Variants in RBCK1 observed in about 807,000 individuals in gnomAD.
RBCK1 encodes the protein RANBP2-type and C3HC4-type zinc finger containing 1.
In RBCK1, 44 loss-of-function variants were observed where a neutral mutation model predicts 71.1. The observed-to-expected ratio is 0.62, with a 90% confidence interval of 0.49 to 0.80. The LOEUF (loss-of-function observed/expected upper bound fraction) is 0.80. RBCK1 is among the 30% of genes least tolerant of loss of function. The pLI is 0.00. For missense variants in RBCK1, 569 were observed against 685.0 expected (o/e 0.83, Z 1.89); for synonymous variants, 306 against 279.7 (o/e 1.09, Z -0.94).
At position 422,106 on chromosome 20, in the gene RBCK1, T is replaced by C. The variant is rs1185451339; in HGVS notation, c.918-21T>C. ...AAGGGGGTTCCTATGATCCTAACTC[T>C]TTTCCCCTCCCCTCCCCTAGGGAGT... On this transcript the variant is annotated intron_variant, in intron 7 of 11. Transcript: ENST00000356286. The surrounding 1 kb of genome is among the most constrained non-coding windows in gnomAD (Gnocchi z 5.0). 2 of 1,596,094 alleles carry C rather than the reference T, an allele frequency of 1.3e-6. No homozygotes were observed.
At position 417,431 on chromosome 20, in the gene RBCK1, A is replaced by G; in HGVS notation, c.168-95A>G. 9.9e-7 allele frequency: 1 copy of G among 1,009,820 alleles called. No individual in the cohort carries two copies. The highest frequency in any genetic ancestry group is 1.6e-6 in the Non-Finnish European group (1 of 636,146). 62.6% of individuals were successfully genotyped at this position (1,009,820 alleles called of 1,614,324 possible). On this transcript the variant is annotated intron_variant, in intron 2 of 11. Transcript: ENST00000356286. This position sits in a 1 kb window ranked among gnomAD's most constrained non-coding sequence, Gnocchi z 4.7. ...TGTGTGTGTGTGTGTGTGCATGGCC[A>G]TGTGCCTGTGTGCAAATATGTACAT... is the stretch of plus-strand genomic sequence containing the variant.
At position 417,555 on chromosome 20, in the gene RBCK1, T is replaced by C. The variant is rs750138837; in HGVS notation, c.197T>C (p.Met66Thr). The change falls in exon 3 of 12, where the codon ATG (methionine) becomes ACG (threonine). Residue 66 changes from methionine to threonine, a missense_variant. Coordinates refer to ENST00000356286, the MANE Select transcript of RBCK1 (RefSeq NM_031229.4). The surrounding 1 kb of genome is among the most constrained non-coding windows in gnomAD (Gnocchi z 4.7). The stretch of plus-strand genomic sequence containing the variant: ...TGGGTGAGCGTGGAGGATGCTCAGA[T>C]GCACACCGTCACCATCTGGCTCACA... The part of the protein sequence containing the change: ...RLWVSVEDAQ[M>T]HTVTIWLTVR... 1.9e-6 allele frequency: 3 copies of C among 1,613,916 alleles called. No homozygotes were observed. The highest frequency in any genetic ancestry group is 2.5e-6 in the Non-Finnish European group (3 of 1,180,022).
Position 430,410 on chromosome 20 carries a change from A to G in RBCK1, c.1513A>G (p.Ser505Gly). Residue 505 changes from serine to glycine, a missense_variant, in exon 12 of 12, where the codon AGC becomes GGC. Ser to Gly is a moderately conservative substitution (Grantham distance 56). Around this residue, in one of 2 missense-constraint regions of RBCK1, gnomAD observed 211 missense variants for 309.4 expected, o/e 0.68. Coordinates refer to ENST00000356286, the MANE Select transcript of RBCK1 (RefSeq NM_031229.4). The surrounding 1 kb of genome is among the most constrained non-coding windows in gnomAD (Gnocchi z 5.6). ...CRVNGIPCHP[S>G]CQNCH ...GGTAAATGGGATTCCTTGCCACCCAAGCTGTCAGAACTGCCACTGAGCTAA... is the reference window on the plus strand; with the variant it reads ...GGTAAATGGGATTCCTTGCCACCCAGGCTGTCAGAACTGCCACTGAGCTAA... 6.2e-7 allele frequency: 1 copy of G among 1,613,138 alleles called. No homozygotes were observed. The highest frequency in any genetic ancestry group is 8.5e-7 in the Non-Finnish European group (1 of 1,179,068).
intron 6 of RBCK1, chr20:420,325 T>C (rs1350074624): frequency 1.0e-6 from 1 of 982,118 alleles, no homozygotes; most frequent in African/African-American, 1.8e-5. Flanking sequence ...GACACAGACA[T>C]TGATCCCCGA....
intron 4 of RBCK1, among the ~76,000 whole-genome samples, chr20:418,572 G>T (rs952609334): frequency 2.1e-4 from 32 of 152,216 alleles, no homozygotes; most frequent in African/African-American, 5.3e-4. Context: ...GTTTCACCGT[G>T]TTAGCCAGGA....
At chr20:426,952 A>G (rs567784507) in intron 8 of RBCK1, among the ~76,000 whole-genome samples, 234 of 150,010 alleles carry the variant, frequency 1.6e-3, no homozygotes, top group Non-Finnish European at 2.8e-3. Context: ...CAGCCTCCCA[A>G]GCAGCTGGGA....
chr20:412,481 G>T (rs2015767139), intron 2 of RBCK1, among the ~76,000 whole-genome samples: 1 of 152,034 alleles, frequency 6.6e-6, no homozygotes, highest in Admixed American at 6.6e-5. Context: ...CACTACACTG[G>T]CTAATTTTTG....
intron 2 of RBCK1, among the ~76,000 whole-genome samples, chr20:416,023 A>G (rs1194054712): frequency 6.6e-6 from 1 of 152,224 alleles, no homozygotes; most frequent in Non-Finnish European, 1.5e-5. Context: ...CTCACCTTCA[A>G]CACTGAGGAT....
In RBCK1 at chr20:429,070, C is replaced by T. The variant is rs375635112; in HGVS notation, c.1428C>T (p.Thr476=). The T allele has an allele frequency of 7.9e-5, 128 of 1,612,848 alleles. No individual in the cohort carries two copies. Among genetic ancestry groups the T allele is most frequent in the Non-Finnish European group, 1.0e-4 (122 of 1,179,798 alleles). Residue 476 remains threonine, a synonymous_variant, in exon 11 of 12, where the codon ACC becomes ACT. Coordinates refer to ENST00000356286, the MANE Select transcript of RBCK1 (RefSeq NM_031229.4). ...TVCHTEICWV[T]KGPRWGPGGP... is the part of the protein sequence containing the mutation. ...GCCACACCGAGATCTGCTGGGTCACCAAGGGCCCACGCTGGGGCCCTGGGG... is the reference window on the plus strand; with the variant it reads ...GCCACACCGAGATCTGCTGGGTCACTAAGGGCCCACGCTGGGGCCCTGGGG...
intron 8 of RBCK1, among the ~76,000 whole-genome samples, chr20:424,620 G>A (rs2016607804): frequency 6.6e-6 from 1 of 152,202 alleles, no homozygotes; most frequent in Admixed American, 6.5e-5. Context: ...CTGGGTGGTT[G>A]CTGAGGCTCC....
chr20:418,582 ATGGT>A, intron 4 of RBCK1, among the ~76,000 whole-genome samples: 1 of 152,066 alleles, frequency 6.6e-6, no homozygotes, highest in South Asian at 2.1e-4. Context: ...GTTAGCCAGG[ATGGT>A]CTCGATCTCC....
rs1019799902 is a variant in RBCK1 at position 428,778 on chromosome 20, G to A, written c.1309-173G>A. The A allele has an allele frequency of 1.3e-5, 19 of 1,425,314 alleles. No homozygotes were observed. The highest frequency in any genetic ancestry group is 2.9e-5 in the Admixed American group (1 of 34,932). 88.3% of individuals were successfully genotyped at this position (1,425,314 alleles called of 1,614,324 possible). A position where few individuals can be genotyped will look rare whatever the true frequency, so the allele number is the denominator to read the frequency against. On this transcript the variant is annotated intron_variant, in intron 10 of 11. Transcript: ENST00000356286. This position sits in a 1 kb window ranked among gnomAD's most constrained non-coding sequence, Gnocchi z 5.7. The stretch of plus-strand genomic sequence containing the variant: ...GTCAGGAAGAGCGTCTGGGTGGAGG[G>A]TGGAGACCACAGGAATGAAGAGGGG...
At chr20:419,224 AC>A in intron 4 of RBCK1, 122 bp from the exon 5 acceptor site, 2 of 1,326,004 alleles carry the variant, frequency 1.5e-6, no homozygotes, top group Non-Finnish European at 2.1e-6. Context: ...AGCTGGAGGT[AC>A]CCCCAGGGAG....
chr20:420,625 C>T, intron 6 of RBCK1: 1 of 949,236 alleles, frequency 1.1e-6, no homozygotes, highest in Non-Finnish European at 1.2e-6. Flanking sequence ...CTCCACCTGG[C>T]CTCACTCCCA....
chr20:418,874 A>G (rs2016186349), intron 4 of RBCK1, among the ~76,000 whole-genome samples: 1 of 152,252 alleles, frequency 6.6e-6, no homozygotes, highest in Non-Finnish European at 1.5e-5. Context: ...TATCCAGTCT[A>G]CAGATCTTAC....
At chr20:429,647 G>T (rs539955441) in intron 11 of RBCK1, among the ~76,000 whole-genome samples, 1 of 152,350 alleles carries the variant, frequency 6.6e-6, no homozygotes, top group East Asian at 1.9e-4. Context: ...GCACAGCCGT[G>T]TTCATTCATT....
rs781667012 is a variant in RBCK1 at position 417,697 on chromosome 20, T to A, written c.262-35T>A. On this transcript the variant is annotated intron_variant, in intron 3 of 11. Coordinates refer to ENST00000356286, the MANE Select transcript of RBCK1 (RefSeq NM_031229.4). The surrounding 1 kb of genome is among the most constrained non-coding windows in gnomAD (Gnocchi z 4.7). ...CTGCTTCCTCTCTCTCCTCTGGCCC[T>A]CCCTTCCCACTCTCCCTCTCTTTGC... is the stretch of plus-strand genomic sequence containing the variant. 1.9e-6 allele frequency: 3 copies of A among 1,605,134 alleles called. No homozygotes were observed. The highest frequency in any genetic ancestry group is 2.6e-6 in the Non-Finnish European group (3 of 1,172,484).
Position 418,424 on chromosome 20 carries a change from A to G in RBCK1, c.460+494A>G, listed in dbSNP as rs547623965. 1.3e-3 allele frequency among the ~76,000 whole-genome samples: 190 copies of G among 151,868 alleles called. 2 individuals are homozygous for G. In the East Asian group the frequency reaches 0.026, roughly 21 times the overall value. On this transcript the variant is annotated intron_variant, in intron 4 of 11. Transcript: ENST00000356286. Reference sequence around the variant, plus strand: ...CGCTCTGTCGCCCAGGCTGGAGTGCAGTGGCACAATCTCGGCTCACTGCAA... The same window carrying G: ...CGCTCTGTCGCCCAGGCTGGAGTGCGGTGGCACAATCTCGGCTCACTGCAA...
chr20:429,950 A>G (rs956616810), intron 11 of RBCK1, among the ~76,000 whole-genome samples: 2 of 152,340 alleles, frequency 1.3e-5, no homozygotes, highest in Non-Finnish European at 2.9e-5. Flanking sequence ...AAATTGCAAG[A>G]GAAGTGCTTA....
Sources: allele counts gnomAD v4.1 joint callset (sites outside exome capture counted in the v4.1 genomes callset), GRCh38; gene constraint gnomAD v4.1.1; regional missense constraint gnomAD v4.1.1; non-coding constraint Gnocchi (gnomAD v3.1); transcripts MANE v1.5; gene names NCBI Gene and HGNC (gene_info 2026-07-23, HGNC 2026-07-21).